The following TUBB variants were observed in gnomAD, a reference collection of about 807,000 sequenced individuals.
The protein encoded by TUBB is tubulin beta class I.
TUBB carries 2 observed loss-of-function variants against 35.1 expected under a neutral mutation model. The ratio of observed to expected loss-of-function variants is 0.06; its 90% CI spans 0.02 to 0.18. The LOEUF is 0.18. TUBB is among the 10% of genes least tolerant of loss of function. The pLI is 1.00. For synonymous variants in TUBB, 205 were observed against 223.8 expected (o/e 0.92, Z 0.75); for missense variants, 50 against 599.4 (o/e 0.08, Z 9.57).
chr6:30,721,128 G>A (rs1776197933), intron 1 of TUBB, among the ~76,000 whole-genome samples: 2 of 152,224 alleles, frequency 1.3e-5, no homozygotes, highest in Non-Finnish European at 2.9e-5. Context: ...GTTCCTGGGT[G>A]GAAGGAGAAT....
At chr6:30,723,258 A>C in intron 3 of TUBB, 82 bp from the exon 4 acceptor site, 1 of 1,178,826 alleles carries the variant, frequency 8.5e-7, no homozygotes. Flanking sequence ...ATCCGAGGGA[A>C]TTATTTGAAA....
chr6:30,723,162 G>A lies in TUBB; in HGVS notation c.277+134G>A, dbSNP rs1225484188. ...ACAGAAATGTGTTCTGAAATCTAAC[G>A]GAGGGTAGAGGTAGTGCCTACTATT... On this transcript the variant is annotated intron_variant, in intron 3 of 3. Coordinates refer to ENST00000327892, the MANE Select transcript of TUBB (RefSeq NM_178014.4). The A allele has an allele frequency of 9.8e-6, 9 of 921,698 alleles. No individual in the cohort carries two copies. The East Asian group carries it at 1.0e-4, about 11-fold the overall frequency. 57.1% of individuals were successfully genotyped at this position (921,698 alleles called of 1,614,324 possible).
intron 3 of TUBB, 49 bp from the exon 4 acceptor site, chr6:30,723,291 G>A: frequency 7.1e-7 from 1 of 1,410,282 alleles, no homozygotes; most frequent in Non-Finnish European, 9.7e-7. Context: ...GAAACATCAT[G>A]TATCTTCCAT....
At chr6:30,721,681 G>T in intron 1 of TUBB, 1 of 985,490 alleles carries the variant, frequency 1.0e-6, no homozygotes, top group Non-Finnish European at 1.2e-6. Context: ...GCGGTGCCCA[G>T]CTTGGGGGAA....
chr6:30,723,283 AAC>A (rs1362173274), intron 3 of TUBB, 55 bp from the exon 4 acceptor site: 1 of 1,365,104 alleles, frequency 7.3e-7, no homozygotes, highest in Non-Finnish European at 1.0e-6. Flanking sequence ...GAAAGATGGA[AAC>A]ATCATGTATC....
intron 1 of TUBB, chr6:30,721,877 A>C: frequency 1.0e-6 from 1 of 985,604 alleles, no homozygotes. Flanking sequence ...TGTGGAATTA[A>C]AATGGGAGAT....
chr6:30,724,498 G>A lies in TUBB; in HGVS notation c.*101G>A, dbSNP rs917799896. The A allele has an allele frequency of 3.6e-6, 4 of 1,117,478 alleles. No homozygotes were observed. The highest frequency in any genetic ancestry group is 3.7e-6 in the Non-Finnish European group (3 of 806,112). The allele number at this position is 1,117,478 out of a possible 1,614,324, so 69.2% of individuals were successfully genotyped here. On this transcript the variant is annotated 3_prime_UTR_variant, in exon 4 of 4. Coordinates refer to ENST00000327892, the MANE Select transcript of TUBB (RefSeq NM_178014.4). The surrounding 1 kb of genome is among the most constrained non-coding windows in gnomAD (Gnocchi z 4.4). ...AATTTGTGTTTGCTGCCTCTATCTTGTTTTTTGTTTTTTCTTCTGGGGGGG... is the reference window on the plus strand; with the variant it reads ...AATTTGTGTTTGCTGCCTCTATCTTATTTTTTGTTTTTTCTTCTGGGGGGG...
chr6:30,721,672 C>T (rs1012544503), intron 1 of TUBB: 14 of 985,244 alleles, frequency 1.4e-5, no homozygotes, highest in African/African-American at 1.7e-5. Context: ...CGCGGTGGGG[C>T]GGTGCCCAGC....
intron 1 of TUBB, 35 bp downstream of exon 1, chr6:30,720,598 A>G (rs1430666654): frequency 6.3e-7 from 1 of 1,593,660 alleles, no homozygotes; most frequent in Admixed American, 1.8e-5. Flanking sequence ...TTCTTTTTAC[A>G]AGGAAAAATC....
chr6:30,721,662 C>T, intron 1 of TUBB: 1 of 985,418 alleles, frequency 1.0e-6, no homozygotes. Context: ...TTGTGCGCCG[C>T]GCGGTGGGGC....
intron 1 of TUBB, among the ~76,000 whole-genome samples, chr6:30,721,284 C>T (rs771402988): frequency 6.6e-6 from 1 of 150,822 alleles, no homozygotes; most frequent in Non-Finnish European, 1.5e-5. Flanking sequence ...TCCTTTAAAT[C>T]AAGGGGTAGA....
chr6:30,722,774 C>A (rs1161553331), intron 2 of TUBB, 129 bp downstream of exon 2: 3 of 1,118,628 alleles, frequency 2.7e-6, no homozygotes, highest in Non-Finnish European at 3.9e-6. Context: ...TCGTGAACCA[C>A]CGTCGGGGCC....
At chr6:30,721,105 C>G (rs1473534529) in intron 1 of TUBB, among the ~76,000 whole-genome samples, 1 of 152,194 alleles carries the variant, frequency 6.6e-6, no homozygotes, top group Admixed American at 6.5e-5. Context: ...CCCAGAGGGC[C>G]GGTCCTGTAT....
At chr6:30,722,877 C>T (rs1474804135) in intron 2 of TUBB, 41 bp from the exon 3 acceptor site, 27 of 1,536,562 alleles carry the variant, frequency 1.8e-5, no homozygotes, top group Non-Finnish European at 2.4e-5. Context: ...TAAACCTTCC[C>T]TTCTGCCAGA....
Position 30,723,773 on chromosome 6 carries a change from C to T in TUBB, c.711C>T (p.Thr237=). 1.2e-6 allele frequency: 2 copies of T among 1,614,226 alleles called. No homozygotes were observed. Among genetic ancestry groups the T allele is most frequent in the East Asian group, 2.2e-5 (1 of 44,890 alleles). The change falls in exon 4 of 4, where the codon ACC becomes ACT. Residue 237 remains threonine (T), a synonymous_variant. Coordinates refer to ENST00000327892, the MANE Select transcript of TUBB (RefSeq NM_178014.4). ...TCTCAGCCACCATGAGTGGTGTCAC[C>T]ACCTGCCTCCGTTTCCCTGGCCAGC... is the stretch of plus-strand genomic sequence containing the variant. ...HLVSATMSGV[T]TCLRFPGQLN...
At chr6:30,722,776 GTC>G (rs1289565935) in intron 2 of TUBB, 131 bp downstream of exon 2, 13 of 1,123,620 alleles carry the variant, frequency 1.2e-5, no homozygotes, top group African/African-American at 1.6e-5. Flanking sequence ...GTGAACCACC[GTC>G]GGGGCCAAAG....
At chr6:30,720,938 C>G (rs1233789722) in intron 1 of TUBB, among the ~76,000 whole-genome samples, 2 of 152,274 alleles carry the variant, frequency 1.3e-5, no homozygotes, top group Non-Finnish European at 2.9e-5. Flanking sequence ...GCCCAACCCC[C>G]CTGCGGGGTA....
chr6:30,724,223 C>T lies in TUBB; in HGVS notation c.1161C>T (p.Ala387=). The T allele has an allele frequency of 1.2e-6, 2 of 1,614,024 alleles. No homozygotes were observed. The highest frequency in any genetic ancestry group is 2.2e-5 in the East Asian group (1 of 44,884). Residue 387 remains alanine (A), a synonymous_variant, in exon 4 of 4, where the codon GCC becomes GCT. Coordinates refer to ENST00000327892, the MANE Select transcript of TUBB (RefSeq NM_178014.4). The surrounding 1 kb of genome is among the most constrained non-coding windows in gnomAD (Gnocchi z 4.4). The part of the protein sequence containing the change: ...LFKRISEQFT[A]MFRRKAFLHW... ...AGCGCATCTCGGAGCAGTTCACTGC[C>T]ATGTTCCGCCGGAAGGCCTTCCTCC... is the stretch of plus-strand genomic sequence containing the variant.
intron 1 of TUBB, chr6:30,721,487 C>A (rs1206687181): frequency 5.3e-6 from 5 of 938,748 alleles, no homozygotes; most frequent in East Asian, 1.2e-4. Context: ...GGCAGGGGCG[C>A]GCTACCTTGG....
Sources: gnomAD v4.1 joint callset for allele counts (sites outside exome capture counted in the v4.1 genomes callset) on GRCh38, gnomAD v4.1.1 for gene constraint, Gnocchi (gnomAD v3.1) non-coding constraint, MANE v1.5 for transcripts, NCBI Gene and HGNC (gene_info 2026-07-23, HGNC 2026-07-21) for gene names.